The following STAU2 variants were observed in gnomAD, a reference collection of about 807,000 sequenced individuals.
STAU2 encodes the protein staufen double-stranded RNA binding protein 2, also known as double-stranded RNA-binding protein Staufen homolog 2.
Under a neutral mutation model 65.9 loss-of-function variants are expected in STAU2, and 20 were observed. The observed-to-expected ratio is 0.30, with a 90% CI of 0.21 to 0.44. The LOEUF is 0.44. Among genes scored for constraint, STAU2 ranks in the 20% least tolerant of loss-of-function variants. STAU2 has a pLI of 1.00. For missense variants in STAU2, 558 were observed against 683.9 expected, an observed-to-expected ratio of 0.82 and a Z score of 2.05; for synonymous variants, 232 against 233.9, an observed-to-expected ratio of 0.99 and a Z score of 0.07.
chr8:73,615,470 C>T (rs1329455297), intron 8 of STAU2, among the ~76,000 whole-genome samples: 1 of 151,892 alleles, frequency 6.6e-6, no homozygotes, highest in Admixed American at 6.6e-5. Context: ...AGGCTTAATA[C>T]AGAAAAGAAA....
At chr8:73,481,062 T>C (rs1820585583) in intron 13 of STAU2, among the ~76,000 whole-genome samples, 2 of 152,116 alleles carry the variant, frequency 1.3e-5, no homozygotes, top group African/African-American at 4.8e-5. Flanking sequence ...TACACACAAG[T>C]ATTCATGTAC....
intron 6 of STAU2, among the ~76,000 whole-genome samples, chr8:73,648,041 T>A (rs748852946): frequency 6.6e-6 from 1 of 152,158 alleles, no homozygotes; most frequent in African/African-American, 2.4e-5. Flanking sequence ...GAGTGCAGAG[T>A]ACATGGGCTT....
At chr8:73,594,886 CA>C (rs1811074157) in intron 11 of STAU2, among the ~76,000 whole-genome samples, 1 of 152,070 alleles carries the variant, frequency 6.6e-6, no homozygotes, top group Non-Finnish European at 1.5e-5. Context: ...GTCTATATGG[CA>C]AAAACAACCA....
At chr8:73,478,037 T>G (rs1199128198) in intron 13 of STAU2, among the ~76,000 whole-genome samples, 1 of 142,146 alleles carries the variant, frequency 7.0e-6, no homozygotes, top group Non-Finnish European at 1.5e-5. Flanking sequence ...TATATATGTA[T>G]ATATATATAT....
chr8:73,666,959 A>G (rs1231473350), intron 6 of STAU2, among the ~76,000 whole-genome samples: 1 of 152,214 alleles, frequency 6.6e-6, no homozygotes, highest in African/African-American at 2.4e-5. Context: ...GGCCATAAAG[A>G]GTGATAAAAT....
intron 12 of STAU2, among the ~76,000 whole-genome samples, chr8:73,575,581 A>C (rs1809481016): frequency 6.6e-6 from 1 of 152,188 alleles, no homozygotes; most frequent in Non-Finnish European, 1.5e-5. Context: ...AAACAATCTA[A>C]ATATCCATCT....
chr8:73,445,565 A>G (rs780812707), intron 13 of STAU2, among the ~76,000 whole-genome samples: 2 of 152,200 alleles, frequency 1.3e-5, no homozygotes, highest in Non-Finnish European at 2.9e-5. Flanking sequence ...TAAGAGAAGG[A>G]AAATGACAAG....
intron 9 of STAU2, among the ~76,000 whole-genome samples, chr8:73,608,919 A>C (rs1812234830): frequency 6.6e-6 from 1 of 152,172 alleles, no homozygotes; most frequent in South Asian, 2.1e-4. Context: ...CAGAGGTTGC[A>C]GTGAGCCGAG....
chr8:73,615,865 T>A, intron 7 of STAU2, 83 bp from the exon 8 acceptor site: 1 of 1,011,724 alleles, frequency 9.9e-7, no homozygotes, highest in Non-Finnish European at 1.5e-6. Flanking sequence ...ATGGCCTATT[T>A]AAATTACAAG....
intron 6 of STAU2, among the ~76,000 whole-genome samples, chr8:73,630,123 A>C (rs1190663584): frequency 6.6e-6 from 1 of 152,158 alleles, no homozygotes; most frequent in African/African-American, 2.4e-5. Flanking sequence ...ACAATTTATA[A>C]TTTTCAGTCA....
intron 13 of STAU2, among the ~76,000 whole-genome samples, chr8:73,467,755 C>T (rs1220287195): frequency 6.6e-6 from 1 of 152,122 alleles, no homozygotes; most frequent in East Asian, 1.9e-4. Context: ...AAAAGGTGTA[C>T]CTGTTTCCCC....
At chr8:73,697,196 G>C (rs1300057109) in intron 4 of STAU2, 1 of 152,136 alleles carries the variant, frequency 6.6e-6, no homozygotes, top group Non-Finnish European at 1.5e-5. Flanking sequence ...TGAGATTACA[G>C]GCGTGCACCA....
intron 11 of STAU2, among the ~76,000 whole-genome samples, chr8:73,588,153 T>C (rs1357121984): frequency 6.6e-6 from 1 of 152,138 alleles, no homozygotes; most frequent in African/African-American, 2.4e-5. Flanking sequence ...AAAAAGACAA[T>C]TGCAACTTTT....
intron 13 of STAU2, among the ~76,000 whole-genome samples, chr8:73,523,365 C>G (rs1823164789): frequency 1.3e-5 from 2 of 151,888 alleles, no homozygotes; most frequent in African/African-American, 4.8e-5. Context: ...CACATTTTCT[C>G]AGAATCAGGA....
chr8:73,714,392 C>G (rs1389338838), intron 3 of STAU2, among the ~76,000 whole-genome samples: 1 of 152,132 alleles, frequency 6.6e-6, no homozygotes, highest in Non-Finnish European at 1.5e-5. Context: ...AAAACAAACC[C>G]TCTATTTTCA....
chr8:73,605,633 T>C (rs1164341417), intron 9 of STAU2, among the ~76,000 whole-genome samples: 1 of 151,656 alleles, frequency 6.6e-6, no homozygotes, highest in African/African-American at 2.4e-5. Flanking sequence ...TAAAATTTAA[T>C]GTGTAAGCTG....
intron 13 of STAU2, among the ~76,000 whole-genome samples, chr8:73,453,001 C>T (rs890236915): frequency 1.3e-5 from 2 of 152,152 alleles, no homozygotes; most frequent in African/African-American, 4.8e-5. Flanking sequence ...TTCCACGTTA[C>T]TGAGTTTTTA....
chr8:73,520,694 C>T (rs1822994707), intron 13 of STAU2, among the ~76,000 whole-genome samples: 1 of 152,174 alleles, frequency 6.6e-6, no homozygotes, highest in African/African-American at 2.4e-5. Flanking sequence ...TCAGCTCTCT[C>T]CTTCTGGATG....
At chr8:73,527,641 C>A (rs753397504) in intron 13 of STAU2, 91 of 1,412,576 alleles carry the variant, frequency 6.4e-5, no homozygotes, top group Non-Finnish European at 8.2e-5. Context: ...GATGGCCTTC[C>A]ATTTCCGAGC....
Sources: gnomAD v4.1 joint callset for allele counts (sites outside exome capture counted in the v4.1 genomes callset) on GRCh38, gnomAD v4.1.1 for gene constraint, MANE v1.5 for transcripts, NCBI Gene and HGNC (gene_info 2026-07-23, HGNC 2026-07-21) for gene names.